The following PLA2G7 variants were observed in gnomAD, a reference collection of about 807,000 sequenced individuals.
PLA2G7 encodes phospholipase A2 group VII.
In PLA2G7, 63 loss-of-function variants were observed where a neutral mutation model predicts 49.6. The ratio of observed to expected loss-of-function variants is 1.27; its 90% CI spans 1.04 to 1.57. The LOEUF (loss-of-function observed/expected upper bound fraction) is 1.57. Ranked by LOEUF, PLA2G7 falls within the 40% of genes most tolerant of loss-of-function variation. The pLI is 0.00. For missense variants in PLA2G7, 596 were observed against 521.2 expected (o/e 1.14, Z -1.40); for synonymous variants, 193 against 169.9 (o/e 1.14, Z -1.06).
chr6:46,711,642 A>T, intron 6 of PLA2G7, 23 bp from the exon 7 acceptor site: 2 of 1,612,278 alleles, frequency 1.2e-6, no homozygotes, highest in Non-Finnish European at 1.7e-6. Flanking sequence ...CAAAATTATT[A>T]TTTATGCATG....
chr6:46,719,005 T>A (rs559993722), intron 2 of PLA2G7, among the ~76,000 whole-genome samples: 85 of 152,344 alleles, frequency 5.6e-4, no homozygotes, highest in Non-Finnish European at 7.5e-4. Context: ...AAAACTACTT[T>A]TCTCTCTCTG....
chr6:46,725,159 C>T (rs551610752), intron 1 of PLA2G7, among the ~76,000 whole-genome samples: 8 of 152,202 alleles, frequency 5.3e-5, no homozygotes, highest in East Asian at 1.9e-4. Flanking sequence ...ATGGGGCTTT[C>T]GTGTAAGGGC....
At position 46,722,581 on chromosome 6, in the gene PLA2G7, A is replaced by G. The variant is rs1229704305; in HGVS notation, c.109+202T>C. Among the ~76,000 whole-genome samples, 4 of 152,228 alleles carry G rather than the reference A, an allele frequency of 2.6e-5. No individual in the cohort carries two copies. In the East Asian group the frequency reaches 5.8e-4, roughly 22 times the overall value. The stretch of plus-strand genomic sequence containing the variant: ...CCTGGTTCTGTCCTGCAGTCCTGAT[A>G]CTGAAGAACACAAGTGCTTCTTCAA... On this transcript the variant is annotated intron_variant, in intron 2 of 11. Coordinates refer to ENST00000274793, the MANE Select transcript of PLA2G7 (RefSeq NM_005084.4).
At chr6:46,728,172 G>A (rs1765626951) in intron 1 of PLA2G7, among the ~76,000 whole-genome samples, 1 of 152,146 alleles carries the variant, frequency 6.6e-6, no homozygotes, top group Non-Finnish European at 1.5e-5. Flanking sequence ...AATCTTCTTT[G>A]GATATTTTAC....
chr6:46,726,014 T>C (rs1157839459), intron 1 of PLA2G7, among the ~76,000 whole-genome samples: 1 of 152,246 alleles, frequency 6.6e-6, no homozygotes, highest in Non-Finnish European at 1.5e-5. Context: ...TGTAGAAATA[T>C]GACTGGACAG....
intron 5 of PLA2G7, among the ~76,000 whole-genome samples, chr6:46,713,534 A>G (rs1184482389): frequency 6.6e-6 from 1 of 152,220 alleles, no homozygotes; most frequent in East Asian, 1.9e-4. Context: ...CCAGTCACTA[A>G]TGTAGGAGAA....
At chr6:46,717,474 G>A (rs997433267) in intron 2 of PLA2G7, among the ~76,000 whole-genome samples, 4 of 152,014 alleles carry the variant, frequency 2.6e-5, no homozygotes, top group Admixed American at 1.3e-4. Context: ...TTCTCCTTGA[G>A]CATCTCTACC....
At chr6:46,722,223 C>T (rs2150706861) in intron 2 of PLA2G7, among the ~76,000 whole-genome samples, 1 of 152,324 alleles carries the variant, frequency 6.6e-6, no homozygotes, top group South Asian at 2.1e-4. Flanking sequence ...CACATCCATT[C>T]TCATCTGGAA....
rs191270134 is a variant in PLA2G7, at chr6:46,716,414, G to A, written c.346C>T (p.Leu116Phe). ...GLSKFLGTHW[L>F]MGNILRLLFG... ...AGTAACCTCAAAATGTTGCCCATAAGCCAGTGTGTTCCAAGAAATTTGCTA... is the reference window on the plus strand; with the variant it reads ...AGTAACCTCAAAATGTTGCCCATAAACCAGTGTGTTCCAAGAAATTTGCTA... The change falls in exon 4 of 12, where the codon CTT becomes TTT. Residue 116 changes from leucine to phenylalanine, a missense_variant. Leu to Phe is a conservative substitution (Grantham distance 22). Coordinates refer to ENST00000274793, the MANE Select transcript of PLA2G7 (RefSeq NM_005084.4). 3.3e-5 allele frequency: 53 copies of A among 1,614,066 alleles called. No homozygotes were observed. The East Asian group carries it at 9.4e-4, about 29-fold the overall frequency.
At chr6:46,715,445 T>C (rs1346277288) in intron 4 of PLA2G7, among the ~76,000 whole-genome samples, 11 of 152,206 alleles carry the variant, frequency 7.2e-5, no homozygotes, top group Admixed American at 7.2e-4. Context: ...AGGGTTTTTG[T>C]GAGAATTTTA....
intron 10 of PLA2G7, among the ~76,000 whole-genome samples, chr6:46,707,756 T>C (rs957125126): frequency 1.3e-5 from 2 of 152,312 alleles, no homozygotes; most frequent in South Asian, 4.1e-4. Context: ...TATTTCCATA[T>C]AGCAATGCAA....
chr6:46,705,144 G>T lies in PLA2G7; in HGVS notation c.1189+9C>A. On this transcript the variant is annotated intron_variant, in intron 11 of 11. Coordinates refer to ENST00000274793, the MANE Select transcript of PLA2G7 (RefSeq NM_005084.4). ...TCTGGTTTAGGTCATGAAAAAAATA[G>T]TTTCTTACCTAAATGCTTTTGTAAG... 6.3e-7 allele frequency: 1 copy of T among 1,597,054 alleles called. No individual in the cohort carries two copies. The highest frequency in any genetic ancestry group is 1.3e-5 in the African/African-American group (1 of 74,686).
chr6:46,735,439 G>A (rs774820581), upstream of PLA2G7: 1 of 152,500 alleles, frequency 6.6e-6, no homozygotes, highest in East Asian at 1.9e-4. Flanking sequence ...GATGCTGGAG[G>A]AGGTACCGGG....
At chr6:46,730,095 T>A (rs956348071) in intron 1 of PLA2G7, among the ~76,000 whole-genome samples, 1 of 152,168 alleles carries the variant, frequency 6.6e-6, no homozygotes, top group Non-Finnish European at 1.5e-5. Context: ...TGGTGGGGAT[T>A]TAAGGATTTT....
intron 4 of PLA2G7, among the ~76,000 whole-genome samples, chr6:46,715,912 G>A (rs915001521): frequency 2.0e-5 from 3 of 152,194 alleles, no homozygotes; most frequent in Non-Finnish European, 2.9e-5. Flanking sequence ...CTTAGCGATG[G>A]GGGTAGGTGA....
intron 1 of PLA2G7, among the ~76,000 whole-genome samples, chr6:46,723,681 G>T (rs1051366205): frequency 6.6e-6 from 1 of 152,130 alleles, no homozygotes; most frequent in Non-Finnish European, 1.5e-5. Context: ...GGATAGAAAA[G>T]GTCCAAGCCA....
intron 4 of PLA2G7, 109 bp downstream of exon 4, chr6:46,716,275 T>C (rs1765195692): frequency 5.5e-6 from 6 of 1,084,038 alleles, no homozygotes; most frequent in East Asian, 4.7e-5. Flanking sequence ...TTAGGAGCTA[T>C]TTGGACTGAA....
chr6:46,708,230 A>G, intron 9 of PLA2G7, 69 bp from the exon 10 acceptor site: 1 of 1,177,288 alleles, frequency 8.5e-7, no homozygotes, highest in South Asian at 1.2e-5. Context: ...GGACATCCTA[A>G]TAATGCTAGG....
chr6:46,719,900 A>T (rs1161612924), intron 2 of PLA2G7, among the ~76,000 whole-genome samples: 1 of 152,244 alleles, frequency 6.6e-6, no homozygotes, highest in Non-Finnish European at 1.5e-5. Flanking sequence ...CCCCAGGTAG[A>T]TTCAAACCCC....
Sources: allele counts gnomAD v4.1 joint callset (sites outside exome capture counted in the v4.1 genomes callset), GRCh38; gene constraint gnomAD v4.1.1; transcripts MANE v1.5; gene names NCBI Gene and HGNC (gene_info 2026-07-23, HGNC 2026-07-21).